SLC9A9: variants seen among roughly 807,000 people sequenced by gnomAD.
The protein encoded by SLC9A9 is solute carrier family 9 member A9, also known as sodium/hydrogen exchanger 9.
In SLC9A9, 62 loss-of-function variants were observed where a neutral mutation model predicts 77.8. That is an observed-to-expected ratio of 0.80 (90% CI 0.65 to 0.98). The LOEUF is 0.98. Ranked by LOEUF, SLC9A9 falls within the 50% of genes least tolerant of loss-of-function variation. The probability of loss-of-function intolerance (pLI) is 0.00; values close to 1 mark genes in which losing one functional copy is unlikely to be tolerated. For missense variants in SLC9A9, 775 were observed against 774.9 expected, an observed-to-expected ratio of 1.00 and a Z score of 0.00; for synonymous variants, 320 against 283.5, an observed-to-expected ratio of 1.13 and a Z score of -1.29.
chr3:143,809,400 G>C (rs2108870578), intron 2 of SLC9A9, among the ~76,000 whole-genome samples: 1 of 152,332 alleles, frequency 6.6e-6, no homozygotes, highest in South Asian at 2.1e-4. Context: ...ATACAAAACA[G>C]ATTTGTGTTC....
intron 4 of SLC9A9, among the ~76,000 whole-genome samples, chr3:143,779,527 T>A (rs140950134): frequency 2.8e-3 from 422 of 152,176 alleles, no homozygotes; most frequent in African/African-American, 9.8e-3. Flanking sequence ...ATGCACCACA[T>A]GCCTCGCCAA....
At chr3:143,311,573 C>A (rs1439569210) in intron 14 of SLC9A9, among the ~76,000 whole-genome samples, 1 of 152,164 alleles carries the variant, frequency 6.6e-6, no homozygotes, top group African/African-American at 2.4e-5. Flanking sequence ...TTTTATCTTA[C>A]AGAACAAAAC....
chr3:143,838,633 G>A (rs750245351), intron 1 of SLC9A9, among the ~76,000 whole-genome samples: 2 of 152,162 alleles, frequency 1.3e-5, no homozygotes, highest in African/African-American at 2.4e-5. Flanking sequence ...GAACATCTGA[G>A]TTCAGGAATT....
At chr3:143,772,866 A>G (rs2007570973) in intron 4 of SLC9A9, among the ~76,000 whole-genome samples, 1 of 152,222 alleles carries the variant, frequency 6.6e-6, no homozygotes, top group South Asian at 2.1e-4. Flanking sequence ...AACACTGACA[A>G]CTTTAGAAAA....
intron 12 of SLC9A9, among the ~76,000 whole-genome samples, chr3:143,417,501 G>A (rs533448022): frequency 6.8e-6 from 1 of 147,010 alleles, no homozygotes; most frequent in South Asian, 2.3e-4. Flanking sequence ...GAGAGGGAGG[G>A]AGGAGGGGGA....
intron 11 of SLC9A9, among the ~76,000 whole-genome samples, chr3:143,476,189 T>C (rs1188701942): frequency 2.0e-5 from 3 of 152,162 alleles, no homozygotes; most frequent in Non-Finnish European, 2.9e-5. Flanking sequence ...CGTGGTTCCA[T>C]TTTCAGTTCA....
At chr3:143,530,096 G>A (rs1230638175) in intron 9 of SLC9A9, among the ~76,000 whole-genome samples, 1 of 152,170 alleles carries the variant, frequency 6.6e-6, no homozygotes, top group African/African-American at 2.4e-5. Flanking sequence ...TGAGGGAAGG[G>A]AAGGGATACC....
chr3:143,834,778 C>T lies in SLC9A9; in HGVS notation c.176-2557G>A, dbSNP rs543018339. ...CTGCACTAGCTCTGGCCTCATTGTTCGAGAAGAAGCACATTGAAGTGAACA... is the reference window on the plus strand; with the variant it reads ...CTGCACTAGCTCTGGCCTCATTGTTTGAGAAGAAGCACATTGAAGTGAACA... On this transcript the variant is annotated intron_variant, in intron 1 of 15. Coordinates refer to ENST00000316549, the MANE Select transcript of SLC9A9 (RefSeq NM_173653.4). 3.9e-5 allele frequency among the ~76,000 whole-genome samples: 6 copies of T among 152,008 alleles called. 1 individual carries two copies. The highest frequency in any genetic ancestry group is 4.2e-4 in the South Asian group (2 of 4,816).
At position 143,536,176 on chromosome 3, in the gene SLC9A9, T is replaced by C. The variant is rs549740405; in HGVS notation, c.1089+16186A>G. On this transcript the variant is annotated intron_variant, in intron 9 of 15. Transcript: ENST00000316549. ...ACTATATGAAACTGAAACTGGAAAG[T>C]GAGAGGTAAGCTGGAGGTTACTTTT... Among the ~76,000 whole-genome samples, 114 of 152,310 alleles carry C rather than the reference T, an allele frequency of 7.5e-4. 2 individuals are homozygous for C. The South Asian group carries it at 0.023, about 31-fold the overall frequency.
intron 13 of SLC9A9, among the ~76,000 whole-genome samples, chr3:143,365,152 T>C (rs1443163337): frequency 6.6e-6 from 1 of 152,220 alleles, no homozygotes; most frequent in East Asian, 1.9e-4. Flanking sequence ...TGGAGGCTAT[T>C]ATCCTTATTA....
rs369670861 is a variant in SLC9A9 at position 143,652,778 on chromosome 3, TACAC to T, written c.650-422_650-419del. On this transcript the variant is annotated intron_variant, in intron 5 of 15. Coordinates refer to ENST00000316549, the MANE Select transcript of SLC9A9 (RefSeq NM_173653.4). Reference sequence around the variant, plus strand: ...TGCTACCATCCTTGTATTCCTTAAATACACACACACACACACACACACACACACA... The same window carrying T: ...TGCTACCATCCTTGTATTCCTTAAATACACACACACACACACACACACACA... Among the ~76,000 whole-genome samples the T allele has an allele frequency of 1.7e-3, 139 of 82,408 alleles. 2 individuals are homozygous for T. The highest frequency in any genetic ancestry group is 6.8e-3 in the Middle Eastern group (1 of 148). 54.1% of individuals were successfully genotyped at this position (82,408 alleles called of 152,430 possible).
chr3:143,638,790 C>G (rs1422475700), intron 6 of SLC9A9, among the ~76,000 whole-genome samples: 1 of 152,206 alleles, frequency 6.6e-6, no homozygotes, highest in Admixed American at 6.5e-5. Context: ...GCTGCTCTTT[C>G]CCAAGGTTTT....
At chr3:143,340,128 T>C (rs1434485677) in intron 14 of SLC9A9, among the ~76,000 whole-genome samples, 1 of 152,220 alleles carries the variant, frequency 6.6e-6, no homozygotes, top group Admixed American at 6.5e-5. Flanking sequence ...CTTCATCTCC[T>C]GAGCACCCTG....
intron 14 of SLC9A9, among the ~76,000 whole-genome samples, chr3:143,296,553 T>A (rs2030278029): frequency 5.3e-5 from 8 of 152,260 alleles, no homozygotes; most frequent in Admixed American, 3.9e-4. Context: ...GAAATTCTGC[T>A]TTCAATTCTT....
intron 2 of SLC9A9, among the ~76,000 whole-genome samples, chr3:143,808,733 C>A (rs550536214): frequency 2.1e-4 from 32 of 152,156 alleles, no homozygotes; most frequent in Non-Finnish European, 4.4e-4. Context: ...AGCTATTTAA[C>A]CTCTCTGTCC....
chr3:143,455,069 A>C (rs1415212179), intron 12 of SLC9A9, among the ~76,000 whole-genome samples: 1 of 152,224 alleles, frequency 6.6e-6, no homozygotes, highest in Non-Finnish European at 1.5e-5. Flanking sequence ...AGGATTATGC[A>C]AGTCATGTGT....
At chr3:143,622,620 A>G (rs2038238150) in intron 6 of SLC9A9, among the ~76,000 whole-genome samples, 1 of 152,222 alleles carries the variant, frequency 6.6e-6, no homozygotes, top group South Asian at 2.1e-4. Flanking sequence ...AAGAAGCACT[A>G]AACATGGAAA....
At chr3:143,825,237 A>G (rs370032195) in intron 2 of SLC9A9, among the ~76,000 whole-genome samples, 210 of 152,300 alleles carry the variant, frequency 1.4e-3, no homozygotes, top group African/African-American at 4.9e-3. Context: ...TCATGGCCCA[A>G]TGACTCTCTC....
chr3:143,643,745 A>G (rs1438644856), intron 6 of SLC9A9, among the ~76,000 whole-genome samples: 1 of 152,134 alleles, frequency 6.6e-6, no homozygotes, highest in Non-Finnish European at 1.5e-5. Flanking sequence ...ATCATGAAAT[A>G]TGGTTGTTAT....
Sources: gnomAD v4.1 joint callset for allele counts (sites outside exome capture counted in the v4.1 genomes callset) on GRCh38, gnomAD v4.1.1 for gene constraint, MANE v1.5 for transcripts, NCBI Gene and HGNC (gene_info 2026-07-23, HGNC 2026-07-21) for gene names.